Variants in PLCE1 observed in about 807,000 individuals in gnomAD.
The protein encoded by PLCE1 is 1-phosphatidylinositol 4,5-bisphosphate phosphodiesterase epsilon-1.
PLCE1 carries 119 observed loss-of-function variants against 242.8 expected under a neutral mutation model. The observed-to-expected ratio is 0.49, with a 90% confidence interval of 0.42 to 0.57. The LOEUF (loss-of-function observed/expected upper bound fraction) is 0.57. Ranked by LOEUF, PLCE1 falls within the 20% of genes least tolerant of loss-of-function variation. The pLI is 0.00. For missense variants in PLCE1, 2,441 were observed against 2,788.8 expected (o/e 0.88, Z 2.81); for synonymous variants, 945 against 1,017.4 (o/e 0.93, Z 1.35).
At chr10:94,011,588 A>AT (rs2061168823) in intron 1 of PLCE1, among the ~76,000 whole-genome samples, 1 of 152,058 alleles carries the variant, frequency 6.6e-6, no homozygotes, top group African/African-American at 2.4e-5. Context: ...TGAGATAAGG[A>AT]TTTTCACCTC....
At chr10:94,096,965 G>A (rs1159155107) in intron 2 of PLCE1, 1 of 152,152 alleles carries the variant, frequency 6.6e-6, no homozygotes, top group African/African-American at 2.4e-5. Context: ...CTATACTTAG[G>A]TAATAATGAC....
chr10:94,316,241 C>T (rs1246994933), intron 28 of PLCE1, among the ~76,000 whole-genome samples: 2 of 152,124 alleles, frequency 1.3e-5, no homozygotes, highest in Admixed American at 6.5e-5. Context: ...TGCAAGATTA[C>T]AAAGGGCTAA....
chr10:94,273,685 G>A lies in PLCE1; in HGVS notation c.4630G>A (p.Ala1544Thr). 6.2e-7 allele frequency: 1 copy of A among 1,613,920 alleles called. No individual in the cohort carries two copies. ...KVLLKNKKLK[A>T]HQTPVDILKQ... ...TCTTCTTAAAAACAAGAAGCTAAAA[G>A]CCCATCAGACGCCAGTGGATATCTT... Residue 1544 changes from alanine (A) to threonine (T), a missense_variant, in exon 19 of 33, where the codon GCC (alanine) becomes ACC (threonine). Physicochemically the swap from Ala to Thr is moderately conservative, Grantham distance 58. Transcript: ENST00000371380.
At chr10:94,323,926 G>A (rs1207488156) in intron 30 of PLCE1, among the ~76,000 whole-genome samples, 2 of 152,226 alleles carry the variant, frequency 1.3e-5, no homozygotes, top group African/African-American at 4.8e-5. Flanking sequence ...AAGACTCTGT[G>A]ATAGAGATAG....
At chr10:94,112,620 T>G (rs2045990086) in intron 2 of PLCE1, among the ~76,000 whole-genome samples, 1 of 152,158 alleles carries the variant, frequency 6.6e-6, no homozygotes, top group Non-Finnish European at 1.5e-5. Flanking sequence ...TTAAAAGATA[T>G]AATCCATGGC....
intron 2 of PLCE1, among the ~76,000 whole-genome samples, chr10:94,119,636 C>T (rs959564811): frequency 7.9e-5 from 12 of 151,908 alleles, no homozygotes; most frequent in Admixed American, 7.2e-4. Flanking sequence ...ATGTTACCTC[C>T]TAGAAGAACC....
At chr10:94,137,649 T>C (rs1418889586) in intron 3 of PLCE1, 1 of 155,426 alleles carries the variant, frequency 6.4e-6, no homozygotes, top group Admixed American at 6.5e-5. Flanking sequence ...AGACAAAACA[T>C]AGTTATTCAT....
chr10:94,304,655 G>T lies in PLCE1; in HGVS notation c.5622+10G>T, dbSNP rs377369738. ...AGTCTATTCTTTAACTGTAAGTACG[G>T]CCCCTAGAGAAAGAACATAAGGTCG... On this transcript the variant is annotated intron_variant, in intron 25 of 32. Coordinates refer to ENST00000371380, the MANE Select transcript of PLCE1 (RefSeq NM_016341.4). 57 of 1,613,314 alleles carry T rather than the reference G, an allele frequency of 3.5e-5. No homozygotes were observed. Among genetic ancestry groups the T allele is most frequent in the Non-Finnish European group, 4.7e-5 (55 of 1,179,666 alleles).
intron 4 of PLCE1, among the ~76,000 whole-genome samples, chr10:94,220,271 T>C (rs975012894): frequency 6.6e-6 from 1 of 150,412 alleles, no homozygotes; most frequent in African/African-American, 2.4e-5. Context: ...CATGCACCTG[T>C]AGTACCAGCT....
At chr10:94,289,065 A>G in intron 22 of PLCE1, among the ~76,000 whole-genome samples, 1 of 152,140 alleles carries the variant, frequency 6.6e-6, no homozygotes, top group Non-Finnish European at 1.5e-5. Context: ...GGGCAAAGGG[A>G]TGCATTTCAA....
At chr10:94,048,418 T>C (rs1404499963) in intron 2 of PLCE1, among the ~76,000 whole-genome samples, 1 of 108,130 alleles carries the variant, frequency 9.2e-6, no homozygotes, top group African/African-American at 3.6e-5. Flanking sequence ...ATGTACAAAA[T>C]ATTCTTTGGA....
intron 4 of PLCE1, among the ~76,000 whole-genome samples, chr10:94,213,594 A>G (rs189168996): frequency 2.2e-4 from 33 of 152,170 alleles, no homozygotes; most frequent in African/African-American, 6.5e-4. Flanking sequence ...TGTTCCATTG[A>G]TATGTTCTTT....
In PLCE1 at chr10:94,328,425, A is replaced by ATACTC. The variant is rs776740411; in HGVS notation, c.*484_*488dup. On this transcript the variant is annotated 3_prime_UTR_variant, in exon 33 of 33. Transcript: ENST00000371380. ...TTCATATATTTTTCACATGTCACAA[A>ATACTC]TACTCTTGTTTTGACTTTTTTTCAA... 1 of 153,168 alleles carries ATACTC rather than the reference A, an allele frequency of 6.5e-6. No individual in the cohort carries two copies. Among genetic ancestry groups the ATACTC allele is most frequent in the African/African-American group, 2.4e-5 (1 of 41,464 alleles). 9.5% of individuals were successfully genotyped at this position (153,168 alleles called of 1,614,324 possible).
intron 3 of PLCE1, among the ~76,000 whole-genome samples, chr10:94,144,274 G>T (rs2047052479): frequency 6.6e-6 from 1 of 152,042 alleles, no homozygotes; most frequent in Non-Finnish European, 1.5e-5. Context: ...TCCCACTCAG[G>T]GATCCCGTGT....
chr10:94,236,052 C>A lies in PLCE1; in HGVS notation c.2352C>A (p.Asp784Glu). 1 of 1,613,992 alleles carries A rather than the reference C, an allele frequency of 6.2e-7. No individual in the cohort carries two copies. The highest frequency in any genetic ancestry group is 8.5e-7 in the Non-Finnish European group (1 of 1,179,972). ...IRSCNRSLET[D>E]EEDSPSEGNS... Reference sequence around the variant, plus strand: ...GCTGCAATCGAAGTCTGGAGACAGACGAGGAGGACAGCCCCAGTGAAGGAA... The same window carrying A: ...GCTGCAATCGAAGTCTGGAGACAGAAGAGGAGGACAGCCCCAGTGAAGGAA... Residue 784 changes from aspartate to glutamate, a missense_variant, in exon 7 of 33, where the codon GAC (aspartate) becomes GAA (glutamate). By Grantham distance (45) the Asp-to-Glu change is conservative (BLOSUM62 2). Transcript: ENST00000371380.
intron 5 of PLCE1, among the ~76,000 whole-genome samples, chr10:94,233,746 G>A (rs1345963558): frequency 6.6e-6 from 1 of 152,026 alleles, no homozygotes; most frequent in East Asian, 1.9e-4. Flanking sequence ...TCAGGAGTTC[G>A]AGACCAGCTT....
At chr10:94,283,006 C>T (rs377135208) in intron 20 of PLCE1, among the ~76,000 whole-genome samples, 4 of 152,170 alleles carry the variant, frequency 2.6e-5, no homozygotes, top group East Asian at 3.9e-4. Flanking sequence ...GTATAAGGTC[C>T]TTTTGGTCTA....
At position 94,234,201 on chromosome 10, in the gene PLCE1, G is replaced by C; in HGVS notation, c.2103G>C (p.Lys701Asn). The C allele has an allele frequency of 6.2e-7, 1 of 1,614,166 alleles. No individual in the cohort carries two copies. The highest frequency in any genetic ancestry group is 8.5e-7 in the Non-Finnish European group (1 of 1,180,004). The change falls in exon 6 of 33, where the codon AAG becomes AAC. Residue 701 changes from lysine to asparagine, a missense_variant. By Grantham distance (94) the Lys-to-Asn change is moderately conservative (BLOSUM62 0). Coordinates refer to ENST00000371380, the MANE Select transcript of PLCE1 (RefSeq NM_016341.4). ...VTRALHIPGC[K>N]VVPFCGVFLK... ...GTGCCCTGCACATCCCTGGCTGTAAGGTGGTTCCATTCTGTGGGGTGTTTC... is the reference window on the plus strand; with the variant it reads ...GTGCCCTGCACATCCCTGGCTGTAACGTGGTTCCATTCTGTGGGGTGTTTC...
chr10:94,097,687 A>G (rs897789932), intron 2 of PLCE1, among the ~76,000 whole-genome samples: 2 of 152,252 alleles, frequency 1.3e-5, no homozygotes, highest in Non-Finnish European at 2.9e-5. Flanking sequence ...AAGTAAAAGC[A>G]TTAAGCTTGG....
Sources: allele counts gnomAD v4.1 joint callset (sites outside exome capture counted in the v4.1 genomes callset), GRCh38; gene constraint gnomAD v4.1.1; transcripts MANE v1.5; gene names NCBI Gene and HGNC (gene_info 2026-07-23, HGNC 2026-07-21).